The following PCBP3 variants were observed in gnomAD, a reference collection of about 807,000 sequenced individuals.
PCBP3 encodes poly(rC) binding protein 3, also known as poly(rC)-binding protein 3.
Under a neutral mutation model 52.7 loss-of-function variants are expected in PCBP3, and 25 were observed. The ratio of observed to expected loss-of-function variants is 0.47; its 90% CI spans 0.35 to 0.66. The LOEUF (loss-of-function observed/expected upper bound fraction) is 0.66, where lower values mean the gene tolerates loss of function less well. PCBP3 is among the 30% of genes least tolerant of loss of function. The pLI, the probability that PCBP3 is intolerant of heterozygous loss-of-function variation, is 0.01. For synonymous variants in PCBP3, 162 were observed against 183.0 expected, an observed-to-expected ratio of 0.89 and a Z score of 0.93; for missense variants, 391 against 490.3, an observed-to-expected ratio of 0.80 and a Z score of 1.91.
At chr21:45,680,908 A>G (rs1213215250) in intron 2 of PCBP3, among the ~76,000 whole-genome samples, 1 of 152,230 alleles carries the variant, frequency 6.6e-6, no homozygotes, top group African/African-American at 2.4e-5. Flanking sequence ...TTAGTAATTT[A>G]TAAACAATAG....
At chr21:45,770,118 C>A (rs1239014073) in intron 4 of PCBP3, among the ~76,000 whole-genome samples, 1 of 152,188 alleles carries the variant, frequency 6.6e-6, no homozygotes, top group South Asian at 2.1e-4. Context: ...GCGACCCGGC[C>A]TCCCTCCTTG....
At chr21:45,705,204 A>G (rs1680704150) in intron 2 of PCBP3, among the ~76,000 whole-genome samples, 1 of 152,180 alleles carries the variant, frequency 6.6e-6, no homozygotes, top group Non-Finnish European at 1.5e-5. Flanking sequence ...TTCCCAGGGA[A>G]TCTGTGGAGA....
At chr21:45,723,962 T>C (rs1419498597) in intron 2 of PCBP3, among the ~76,000 whole-genome samples, 1 of 152,206 alleles carries the variant, frequency 6.6e-6, no homozygotes, top group Non-Finnish European at 1.5e-5. Context: ...GAATCTTCCT[T>C]GCCCGTCCTC....
chr21:45,840,561 G>A (rs1192783730), intron 4 of PCBP3, among the ~76,000 whole-genome samples: 3 of 151,710 alleles, frequency 2.0e-5, no homozygotes, highest in African/African-American at 7.3e-5. Context: ...TATCTCTAAA[G>A]TCTACAGTAG....
intron 4 of PCBP3, among the ~76,000 whole-genome samples, chr21:45,774,488 T>C (rs772124684): frequency 6.6e-6 from 1 of 152,220 alleles, no homozygotes; most frequent in Non-Finnish European, 1.5e-5. Flanking sequence ...GACTTCCTCT[T>C]TTTCAACTTG....
chr21:45,841,545 T>G (rs2093699870), intron 4 of PCBP3, among the ~76,000 whole-genome samples: 1 of 152,220 alleles, frequency 6.6e-6, no homozygotes, highest in Admixed American at 6.5e-5. Context: ...TTTTCTCAAT[T>G]TTTAGTTCAG....
At chr21:45,841,791 A>G (rs1043124717) in intron 4 of PCBP3, among the ~76,000 whole-genome samples, 1 of 152,224 alleles carries the variant, frequency 6.6e-6, no homozygotes, top group Admixed American at 6.5e-5. Flanking sequence ...TCCTAGCCTC[A>G]GCAACCAAGA....
At chr21:45,705,876 G>A (rs898277390) in intron 2 of PCBP3, among the ~76,000 whole-genome samples, 1 of 152,136 alleles carries the variant, frequency 6.6e-6, no homozygotes, top group African/African-American at 2.4e-5. Context: ...ACTTGGCCAT[G>A]GTGCTCACTA....
chr21:45,702,921 C>T (rs1383494941), intron 2 of PCBP3, among the ~76,000 whole-genome samples: 1 of 152,056 alleles, frequency 6.6e-6, no homozygotes, highest in Admixed American at 6.6e-5. Flanking sequence ...TATTCTAAAC[C>T]CTTTGTTGTC....
chr21:45,780,396 A>G (rs1173773945), intron 4 of PCBP3, among the ~76,000 whole-genome samples: 4 of 152,246 alleles, frequency 2.6e-5, no homozygotes, highest in South Asian at 4.1e-4. Flanking sequence ...TGGGGCTCCA[A>G]GGTCATAGAT....
chr21:45,685,225 G>C lies in PCBP3; in HGVS notation c.-200+16273G>C, dbSNP rs148031842. Reference sequence around the variant, plus strand: ...AGAGACAGAAAATAACATGGGGAATGGGTTTTAAAGGTTGTGGGGAAGGGA... The same window carrying C: ...AGAGACAGAAAATAACATGGGGAATCGGTTTTAAAGGTTGTGGGGAAGGGA... On this transcript the variant is annotated intron_variant, in intron 2 of 17. Transcript: ENST00000681687. Among the ~76,000 whole-genome samples the C allele has an allele frequency of 2.0e-4, 31 of 152,326 alleles. No homozygotes were observed. The East Asian group carries it at 3.5e-3, about 17-fold the overall frequency.
intron 4 of PCBP3, among the ~76,000 whole-genome samples, chr21:45,785,506 A>C (rs1397697782): frequency 1.9e-5 from 1 of 53,166 alleles, no homozygotes; most frequent in Non-Finnish European, 3.4e-5. Context: ...CCCGTCCGGG[A>C]GGGGGGGGGG....
chr21:45,896,888 CGG>C (rs2095847285), intron 6 of PCBP3, among the ~76,000 whole-genome samples: 6 of 27,896 alleles, frequency 2.2e-4, no homozygotes, highest in African/African-American at 7.4e-4. Context: ...CACATAGAAC[CGG>C]AGATGCACTG....
At chr21:45,671,446 C>G (rs2081168812) in intron 2 of PCBP3, among the ~76,000 whole-genome samples, 1 of 152,172 alleles carries the variant, frequency 6.6e-6, no homozygotes, top group African/African-American at 2.4e-5. Context: ...AAGCCAATTG[C>G]AATTTTTAAA....
At chr21:45,819,504 C>CA (rs2093064135) in intron 4 of PCBP3, among the ~76,000 whole-genome samples, 1 of 152,236 alleles carries the variant, frequency 6.6e-6, no homozygotes, top group South Asian at 2.1e-4. Flanking sequence ...CCTGGCACGA[C>CA]ACTGCCGTTG....
intron 2 of PCBP3, among the ~76,000 whole-genome samples, chr21:45,715,354 T>A (rs2148223216): frequency 6.6e-6 from 1 of 152,350 alleles, no homozygotes; most frequent in South Asian, 2.1e-4. Context: ...TGTTTATTTT[T>A]TGAATTGAGG....
intron 5 of PCBP3, among the ~76,000 whole-genome samples, chr21:45,893,223 G>C (rs1392285430): frequency 1.3e-5 from 2 of 151,952 alleles, no homozygotes; most frequent in Non-Finnish European, 2.9e-5. Context: ...CTTGAGCAGG[G>C]AGGGAGTGGG....
At chr21:45,662,357 G>C (rs890833171) in intron 1 of PCBP3, among the ~76,000 whole-genome samples, 1 of 132,086 alleles carries the variant, frequency 7.6e-6, no homozygotes, top group Admixed American at 9.1e-5. Context: ...CTGGGCTCAA[G>C]CAATCTGCCT....
intron 9 of PCBP3, chr21:45,901,565 C>G: frequency 5.0e-6 from 1 of 201,490 alleles, no homozygotes; most frequent in East Asian, 1.2e-4. Context: ...CTGGGGCCCC[C>G]GTGACAGCTG....
Sources: allele counts gnomAD v4.1 joint callset (sites outside exome capture counted in the v4.1 genomes callset), GRCh38; gene constraint gnomAD v4.1.1; transcripts MANE v1.5; gene names NCBI Gene and HGNC (gene_info 2026-07-23, HGNC 2026-07-21).